SGCZ: variants seen among roughly 807,000 people sequenced by gnomAD.
The protein encoded by SGCZ is zeta-sarcoglycan.
A neutral mutation model predicts 41.3 loss-of-function variants in SGCZ; 40 were observed. The ratio of observed to expected loss-of-function variants is 0.97; its 90% CI spans 0.75 to 1.26. The LOEUF (loss-of-function observed/expected upper bound fraction) is 1.26. Ranked by LOEUF, SGCZ falls within the 50% of genes most tolerant of loss-of-function variation. The pLI is 0.00. For missense variants in SGCZ, 552 were observed against 369.8 expected (o/e 1.49, Z -4.04); for synonymous variants, 206 against 137.5 (o/e 1.50, Z -3.49).
intron 2 of SGCZ, among the ~76,000 whole-genome samples, chr8:14,523,955 A>T (rs1033928189): frequency 6.6e-6 from 1 of 151,764 alleles, no homozygotes; most frequent in Non-Finnish European, 1.5e-5. Flanking sequence ...TTTCCCTTTC[A>T]TTCTTCTATC....
At chr8:14,481,069 C>T (rs1474318519) in intron 2 of SGCZ, among the ~76,000 whole-genome samples, 1 of 151,966 alleles carries the variant, frequency 6.6e-6, no homozygotes, top group Non-Finnish European at 1.5e-5. Context: ...ATATAATCAA[C>T]ATATAAACAG....
At chr8:14,815,440 G>A (rs1237418997) in intron 1 of SGCZ, among the ~76,000 whole-genome samples, 1 of 151,526 alleles carries the variant, frequency 6.6e-6, no homozygotes, top group African/African-American at 2.4e-5. Context: ...GGGACTAGAT[G>A]GATGTAGAGA....
chr8:14,515,928 G>C (rs371096482), intron 2 of SGCZ, among the ~76,000 whole-genome samples: 64 of 151,966 alleles, frequency 4.2e-4, no homozygotes, highest in African/African-American at 1.5e-3. Flanking sequence ...TTTTCAATTT[G>C]CTCCTATGAT....
At chr8:15,194,227 A>ACACACC (rs1554475074) in intron 1 of SGCZ, among the ~76,000 whole-genome samples, 18 of 134,372 alleles carry the variant, frequency 1.3e-4, no homozygotes, top group Admixed American at 9.8e-4. Flanking sequence ...ACACACACAC[A>ACACACC]CCACAACCCT....
intron 1 of SGCZ, among the ~76,000 whole-genome samples, chr8:14,881,181 T>G (rs964492993): frequency 6.6e-6 from 1 of 152,142 alleles, no homozygotes; most frequent in African/African-American, 2.4e-5. Context: ...AGTATGTACA[T>G]ATTGTTGCAT....
At chr8:14,667,061 A>G (rs1000894031) in intron 1 of SGCZ, among the ~76,000 whole-genome samples, 2 of 152,142 alleles carry the variant, frequency 1.3e-5, no homozygotes, top group African/African-American at 4.8e-5. Context: ...AGACATATAT[A>G]TATGTCAATG....
intron 2 of SGCZ, among the ~76,000 whole-genome samples, chr8:14,431,382 T>A (rs1315375355): frequency 6.6e-6 from 1 of 151,850 alleles, no homozygotes; most frequent in South Asian, 2.1e-4. Flanking sequence ...CAGAAATAAA[T>A]CCAAATACTT....
intron 3 of SGCZ, among the ~76,000 whole-genome samples, chr8:14,281,646 A>G (rs531597714): frequency 6.6e-6 from 1 of 152,198 alleles, no homozygotes; most frequent in East Asian, 1.9e-4. Context: ...GATCATGTCA[A>G]ATTCTCTTAA....
chr8:14,945,194 C>T (rs1800401476), intron 1 of SGCZ, among the ~76,000 whole-genome samples: 1 of 151,248 alleles, frequency 6.6e-6, no homozygotes, highest in South Asian at 2.1e-4. Flanking sequence ...CAGAGTAATC[C>T]TTATGATACA....
intron 1 of SGCZ, among the ~76,000 whole-genome samples, chr8:15,186,317 T>TGGA (rs1800343103): frequency 9.3e-6 from 1 of 107,572 alleles, no homozygotes; most frequent in Non-Finnish European, 2.1e-5. Context: ...TTCTCTCGCA[T>TGGA]GTAGTAGTCC....
chr8:14,409,670 G>A (rs1424494591), intron 2 of SGCZ, among the ~76,000 whole-genome samples: 3 of 152,016 alleles, frequency 2.0e-5, no homozygotes, highest in East Asian at 3.9e-4. Flanking sequence ...AATAGCTAAC[G>A]CTAACCACCA....
chr8:14,887,417 G>A lies in SGCZ; in HGVS notation c.40-332491C>T, dbSNP rs540005513. ...ACTGCATTATCATTTTACATCTTTA[G>A]GTATGCTAATGTAAAGAGAAAAAAC... On this transcript the variant is annotated intron_variant, in intron 1 of 7. Coordinates refer to ENST00000382080, the MANE Select transcript of SGCZ (RefSeq NM_139167.4). Among the ~76,000 whole-genome samples, 3 of 151,910 alleles carry A rather than the reference G, an allele frequency of 2.0e-5. No homozygotes were observed. The South Asian group carries it at 6.2e-4, about 32-fold the overall frequency.
chr8:14,869,451 A>T (rs2130699059), intron 1 of SGCZ, among the ~76,000 whole-genome samples: 1 of 152,280 alleles, frequency 6.6e-6, no homozygotes. Context: ...AAATAATAAG[A>T]GCTATTTATG....
chr8:14,989,706 T>G (rs1030034228), intron 1 of SGCZ, among the ~76,000 whole-genome samples: 2 of 152,190 alleles, frequency 1.3e-5, no homozygotes, highest in Non-Finnish European at 2.9e-5. Flanking sequence ...CAAGGTTAGC[T>G]TTTCTGTCAC....
chr8:14,122,500 A>G (rs144199079), intron 5 of SGCZ, among the ~76,000 whole-genome samples: 6 of 152,212 alleles, frequency 3.9e-5, no homozygotes, highest in Non-Finnish European at 7.3e-5. Context: ...GGTTCATTGT[A>G]TTTAATCAAA....
intron 4 of SGCZ, among the ~76,000 whole-genome samples, chr8:14,172,081 G>C (rs1804400028): frequency 6.6e-6 from 1 of 152,038 alleles, no homozygotes. Context: ...AGAAAGTCTG[G>C]TTTCTGAAAA....
At chr8:14,737,961 C>G (rs907033750) in intron 1 of SGCZ, among the ~76,000 whole-genome samples, 1 of 152,040 alleles carries the variant, frequency 6.6e-6, no homozygotes, top group Non-Finnish European at 1.5e-5. Flanking sequence ...TAGTTTCATA[C>G]ATACTTTACA....
chr8:14,176,544 CTTAATA>C (rs1223726987), intron 4 of SGCZ, among the ~76,000 whole-genome samples: 2 of 152,102 alleles, frequency 1.3e-5, no homozygotes, highest in Non-Finnish European at 2.9e-5. Flanking sequence ...TATTAGAAGT[CTTAATA>C]TTAATAGTCC....
At chr8:14,409,824 A>G (rs1393290154) in intron 2 of SGCZ, among the ~76,000 whole-genome samples, 1 of 152,210 alleles carries the variant, frequency 6.6e-6, no homozygotes, top group Non-Finnish European at 1.5e-5. Context: ...CTTTCCTAAT[A>G]TAAACAATTT....
Sources: gnomAD v4.1 joint callset for allele counts (sites outside exome capture counted in the v4.1 genomes callset) on GRCh38, gnomAD v4.1.1 for gene constraint, MANE v1.5 for transcripts, NCBI Gene and HGNC (gene_info 2026-07-23, HGNC 2026-07-21) for gene names.